Variants in NINL observed in about 807,000 individuals in gnomAD.
NINL encodes ninein like, also known as ninein-like protein.
A neutral mutation model predicts 160.3 loss-of-function variants in NINL; 153 were observed. The observed-to-expected ratio is 0.95, with a 90% CI of 0.84 to 1.09. The LOEUF (loss-of-function observed/expected upper bound fraction) is 1.09, where lower values mean the gene tolerates loss of function less well. Ranked by LOEUF, NINL falls within the 50% of genes least tolerant of loss-of-function variation. The pLI is 0.00. For synonymous variants in NINL, 800 were observed against 734.8 expected, an observed-to-expected ratio of 1.09 and a Z score of -1.43; for missense variants, 1,829 against 1,764.0, an observed-to-expected ratio of 1.04 and a Z score of -0.66.
At chr20:25,543,593 C>G (rs2064695913) in intron 1 of NINL, among the ~76,000 whole-genome samples, 1 of 152,202 alleles carries the variant, frequency 6.6e-6, no homozygotes, top group South Asian at 2.1e-4. Flanking sequence ...ACTCCCTTTG[C>G]AAACTCCCAA....
intron 21 of NINL, among the ~76,000 whole-genome samples, chr20:25,460,499 CTGGCCTTTTCAGG>C (rs2062756700): frequency 6.6e-6 from 1 of 152,190 alleles, no homozygotes; most frequent in Non-Finnish European, 1.5e-5. Flanking sequence ...TGAGGAAGTG[CTGGCCTTTTCAGG>C]TGGCCTTACT....
rs775389814 is a variant in NINL at position 25,496,771 on chromosome 20, T to C, written c.1202A>G (p.Asp401Gly). The C allele has an allele frequency of 1.9e-6, 3 of 1,614,044 alleles. No individual in the cohort carries two copies. The highest frequency in any genetic ancestry group is 2.2e-5 in the South Asian group (2 of 91,084). ...GQVEQLARER[D>G]KARQDLERAE... ...CCTCTCCAGGTCCTGCCTTGCCTTG[T>C]CACGCTCCCTTGCCAGCTGCTCCAC... is the stretch of plus-strand genomic sequence containing the variant. Residue 401 changes from aspartate (D) to glycine (G), a missense_variant, in exon 10 of 24, where the codon GAC becomes GGC. By Grantham distance (94) the Asp-to-Gly change is moderately conservative (BLOSUM62 -1). Coordinates refer to ENST00000278886, the MANE Select transcript of NINL (RefSeq NM_025176.6).
Position 25,455,777 on chromosome 20 carries a change from C to T in NINL, c.3853G>A (p.Glu1285Lys). The change falls in exon 23 of 24, where the codon GAG becomes AAG. Residue 1285 changes from glutamate to lysine, a missense_variant. Physicochemically the swap from Glu to Lys is moderately conservative, Grantham distance 56 (BLOSUM62 1). Coordinates refer to ENST00000278886, the MANE Select transcript of NINL (RefSeq NM_025176.6). Reference protein sequence around the residue: ...RRLDAQREEHEKQLKATEERV... With the variant: ...RRLDAQREEHKKQLKATEERV... ...TCTTCTGTGGCTTTCAGCTGTTTCT[C>T]ATGTTCTTCCTGCCATAAAAGAAGG... 1 of 1,614,014 alleles carries T rather than the reference C, an allele frequency of 6.2e-7. No homozygotes were observed. The highest frequency in any genetic ancestry group is 8.5e-7 in the Non-Finnish European group (1 of 1,179,872).
At chr20:25,490,711 A>G (rs911149871) in intron 11 of NINL, among the ~76,000 whole-genome samples, 4 of 152,138 alleles carry the variant, frequency 2.6e-5, no homozygotes, top group African/African-American at 9.7e-5. Flanking sequence ...GGGAGGAGGC[A>G]GCATCTGTAG....
chr20:25,486,345 C>T (rs768801186), intron 13 of NINL, among the ~76,000 whole-genome samples: 5 of 151,912 alleles, frequency 3.3e-5, no homozygotes, highest in Non-Finnish European at 2.9e-5. Context: ...TGAAAGAACC[C>T]CAGATGAAAA....
At position 25,469,205 on chromosome 20, in the gene NINL, C is replaced by G. The variant is rs1260670937; in HGVS notation, c.3353+786G>C. Among the ~76,000 whole-genome samples, 179 of 107,304 alleles carry G rather than the reference C, an allele frequency of 1.7e-3. 5 individuals carry two copies. The highest frequency in any genetic ancestry group is 2.7e-3 in the African/African-American group (71 of 26,440). 70.4% of individuals were successfully genotyped at this position (107,304 alleles called of 152,430 possible). On this transcript the variant is annotated intron_variant, in intron 18 of 23. Transcript: ENST00000278886. ...TGTCCCCTTGCCCTGTCCCCCGACT[C>G]TCACTGGTGGGCGCCCGCCTGCCCT...
Position 25,476,859 on chromosome 20 carries a change from A to G in NINL, c.2432T>C (p.Leu811Pro). 6.2e-7 allele frequency: 1 copy of G among 1,613,388 alleles called. No homozygotes were observed. The highest frequency in any genetic ancestry group is 8.5e-7 in the Non-Finnish European group (1 of 1,179,914). ...SLALEEEELE[L>P]ARGKRVDGPS... ...CCCGTCCACTCGCTTCCCGCGGGCAAGCTCCAACTCCTCCTCCTCGAGGGC... is the reference window on the plus strand; with the variant it reads ...CCCGTCCACTCGCTTCCCGCGGGCAGGCTCCAACTCCTCCTCCTCGAGGGC... The change falls in exon 17 of 24, where the codon CTT (leucine) becomes CCT (proline). Residue 811 changes from leucine to proline, a missense_variant. Coordinates refer to ENST00000278886, the MANE Select transcript of NINL (RefSeq NM_025176.6).
At chr20:25,539,364 G>A (rs1221604531) in intron 1 of NINL, among the ~76,000 whole-genome samples, 2 of 152,236 alleles carry the variant, frequency 1.3e-5, no homozygotes, top group African/African-American at 2.4e-5. Flanking sequence ...ATACCTCGCT[G>A]TGAGGCCGCA....
Position 25,510,860 on chromosome 20 carries a change from T to C in NINL, c.451-120A>G, listed in dbSNP as rs991898856. The stretch of plus-strand genomic sequence containing the variant: ...GGGGGATGGCTGAGTATGGAGTCAA[T>C]CCCTCAGAGGAAAAGCCCACCCCCA... On this transcript the variant is annotated intron_variant, in intron 4 of 23. Coordinates refer to ENST00000278886, the MANE Select transcript of NINL (RefSeq NM_025176.6). 9 of 766,778 alleles carry C rather than the reference T, an allele frequency of 1.2e-5. No homozygotes were observed. In the South Asian group the frequency reaches 1.5e-4, roughly 13 times the overall value. 47.5% of individuals were successfully genotyped at this position (766,778 alleles called of 1,614,324 possible).
At position 25,554,631 on chromosome 20, in the gene NINL, A is replaced by C. The variant is rs967203686; in HGVS notation, c.-11-28033T>G. 5.0e-4 allele frequency among the ~76,000 whole-genome samples: 12 copies of C among 23,928 alleles called. 1 individual carries two copies. Among genetic ancestry groups the C allele is most frequent in the African/African-American group, 6.1e-4 (4 of 6,544 alleles). The allele number at this position is 23,928 out of a possible 152,430, so 15.7% of individuals were successfully genotyped here. Reference sequence around the variant, plus strand: ...AAGAACCCTGTTCTTTACCAAAAAAAAAAACAAAAAAAAAAAAAAAAAAAA... The same window carrying C: ...AAGAACCCTGTTCTTTACCAAAAAACAAAACAAAAAAAAAAAAAAAAAAAA... On this transcript the variant is annotated intron_variant, in intron 1 of 23. Coordinates refer to ENST00000278886, the MANE Select transcript of NINL (RefSeq NM_025176.6).
At chr20:25,562,588 TGAAGGCA>T (rs2064957218) in intron 1 of NINL, among the ~76,000 whole-genome samples, 2 of 136,916 alleles carry the variant, frequency 1.5e-5, no homozygotes, top group South Asian at 5.0e-4. Context: ...AACAGATGCT[TGAAGGCA>T]GCATGCTCCT....
intron 1 of NINL, among the ~76,000 whole-genome samples, chr20:25,554,927 C>T (rs947059798): frequency 6.6e-6 from 1 of 152,198 alleles, no homozygotes; most frequent in Non-Finnish European, 1.5e-5. Flanking sequence ...CATAGCTCCA[C>T]GGGCCTGAAT....
At position 25,485,030 on chromosome 20, in the gene NINL, GA is replaced by G. The variant is rs568064557; in HGVS notation, c.1678-2931del. Among the ~76,000 whole-genome samples, 618 of 152,278 alleles carry G rather than the reference GA, an allele frequency of 4.1e-3. 4 individuals carry two copies. The highest frequency in any genetic ancestry group is 0.014 in the African/African-American group (597 of 41,550). On this transcript the variant is annotated intron_variant, in intron 13 of 23. Transcript: ENST00000278886. The stretch of plus-strand genomic sequence containing the variant: ...TCAGTGCTGTGAACAGGAAACATCA[GA>G]AACACACAAAACGGGAACGTTGCTA...
At position 25,462,506 on chromosome 20, in the gene NINL, A is replaced by G; in HGVS notation, c.3459T>C (p.Asn1153=). The G allele has an allele frequency of 6.2e-7, 1 of 1,614,204 alleles. No individual in the cohort carries two copies. The highest frequency in any genetic ancestry group is 8.5e-7 in the Non-Finnish European group (1 of 1,180,032). Residue 1153 remains asparagine, a synonymous_variant, in exon 20 of 24, where the codon AAT becomes AAC. Coordinates refer to ENST00000278886, the MANE Select transcript of NINL (RefSeq NM_025176.6). ...QNYKDQLSQL[N]VRVLQLGQEA... Reference sequence around the variant, plus strand: ...CCTGTCCCAGTTGAAGAACCCTGACATTGAGCTGGGATAATTGATCCTTGT... The same window carrying G: ...CCTGTCCCAGTTGAAGAACCCTGACGTTGAGCTGGGATAATTGATCCTTGT...
intron 1 of NINL, among the ~76,000 whole-genome samples, chr20:25,585,055 C>G (rs1320055479): frequency 6.6e-6 from 1 of 152,202 alleles, no homozygotes; most frequent in African/African-American, 2.4e-5. Context: ...GGAGAAACGG[C>G]CCGCGCTGGG....
intron 11 of NINL, 49 bp from the exon 12 acceptor site, chr20:25,490,034 G>T: frequency 6.7e-7 from 1 of 1,502,138 alleles, no homozygotes; most frequent in Middle Eastern, 1.7e-4. Context: ...GGACGGAGGG[G>T]ATGTGTGCAG....
chr20:25,576,262 G>A (rs926887110), intron 1 of NINL, among the ~76,000 whole-genome samples: 2 of 152,162 alleles, frequency 1.3e-5, no homozygotes, highest in South Asian at 4.1e-4. Flanking sequence ...GAATGTCCCA[G>A]AGTCTGTCTG....
Position 25,512,990 on chromosome 20 carries a change from G to A in NINL, c.294C>T (p.Ile98=). The A allele has an allele frequency of 6.2e-7, 1 of 1,601,582 alleles. No individual in the cohort carries two copies. The highest frequency in any genetic ancestry group is 8.5e-7 in the Non-Finnish European group (1 of 1,171,094). Residue 98 remains isoleucine, a synonymous_variant, in exon 4 of 24, where the codon ATC becomes ATT. Coordinates refer to ENST00000278886, the MANE Select transcript of NINL (RefSeq NM_025176.6). ...SSLESAASSA[I]PPKYVNGSKW... Reference sequence around the variant, plus strand: ...TAGAACCATTCACATACTTTGGAGGGATGGCACTGGAGGCAGCTGGAAAGG... The same window carrying A: ...TAGAACCATTCACATACTTTGGAGGAATGGCACTGGAGGCAGCTGGAAAGG...
intron 1 of NINL, among the ~76,000 whole-genome samples, chr20:25,531,260 G>T (rs937679471): frequency 1.3e-5 from 2 of 151,928 alleles, no homozygotes; most frequent in South Asian, 4.2e-4. Flanking sequence ...CTTTTTTCAC[G>T]GTGCCCAGAT....
Sources: allele counts gnomAD v4.1 joint callset (sites outside exome capture counted in the v4.1 genomes callset), GRCh38; gene constraint gnomAD v4.1.1; transcripts MANE v1.5; gene names NCBI Gene and HGNC (gene_info 2026-07-23, HGNC 2026-07-21).